Variants in SLC4A4 observed in about 807,000 individuals in gnomAD.
SLC4A4 encodes the protein electrogenic sodium bicarbonate cotransporter 1.
SLC4A4 carries 27 observed loss-of-function variants against 111.5 expected under a neutral mutation model. That is an observed-to-expected ratio of 0.24 (90% CI 0.18 to 0.33). SLC4A4 has a LOEUF of 0.33. Among genes scored for constraint, SLC4A4 ranks in the 10% least tolerant of loss-of-function variants. The pLI is 1.00. For missense variants in SLC4A4, 909 were observed against 1,315.5 expected (o/e 0.69, Z 4.78); for synonymous variants, 443 against 463.4 (o/e 0.96, Z 0.57).
At chr4:71,260,050 T>A (rs886162614) in intron 3 of SLC4A4, among the ~76,000 whole-genome samples, 7 of 152,258 alleles carry the variant, frequency 4.6e-5, no homozygotes, top group Middle Eastern at 3.4e-3. Flanking sequence ...GTGGTATTCT[T>A]TTTTAGCTTT....
chr4:71,215,891 T>TTTGTCA (rs1195970051), intron 1 of SLC4A4, among the ~76,000 whole-genome samples: 1 of 151,920 alleles, frequency 6.6e-6, no homozygotes, highest in Admixed American at 6.5e-5. Flanking sequence ...GTCTACCAAC[T>TTTGTCA]TTGTCATTTC....
intron 2 of SLC4A4, among the ~76,000 whole-genome samples, chr4:71,252,150 A>G (rs138501460): frequency 1.0e-3 from 158 of 152,358 alleles, no homozygotes; most frequent in African/African-American, 3.6e-3. Context: ...CAATCATAGC[A>G]TATTTTCAAC....
chr4:71,425,601 A>T (rs1003750696), intron 7 of SLC4A4, among the ~76,000 whole-genome samples: 3 of 152,118 alleles, frequency 2.0e-5, no homozygotes, highest in Non-Finnish European at 2.9e-5. Context: ...GCTTGGTTTT[A>T]TACATTTTAG....
chr4:71,091,882 T>G (rs929120085), intron 1 of SLC4A4, among the ~76,000 whole-genome samples: 5 of 152,226 alleles, frequency 3.3e-5, no homozygotes, highest in Non-Finnish European at 2.9e-5. Flanking sequence ...ACTGCGTTTG[T>G]TCTTTTTTAC....
At chr4:71,167,200 G>C (rs1375749058) in intron 2 of SLC4A4, among the ~76,000 whole-genome samples, 1 of 152,124 alleles carries the variant, frequency 6.6e-6, no homozygotes, top group Non-Finnish European at 1.5e-5. Flanking sequence ...GAAGACTAGA[G>C]CTGCTAACCA....
At position 71,108,199 on chromosome 4, in the gene SLC4A4, G is replaced by A. The variant is rs367931379; in HGVS notation, c.-2+15407G>A. ...AAAACAAAATGTAACCAAAATTATC[G>A]TAGTAATAGCTTTTATCATTTCCCA... On this transcript the variant is annotated intron_variant, in intron 2 of 26. Transcript: ENST00000649996. Among the ~76,000 whole-genome samples the A allele has an allele frequency of 1.2e-4, 18 of 152,136 alleles. No homozygotes were observed. The East Asian group carries it at 1.4e-3, about 11-fold the overall frequency.
intron 6 of SLC4A4, among the ~76,000 whole-genome samples, chr4:71,393,395 A>C (rs1258394068): frequency 1.3e-5 from 2 of 152,268 alleles, no homozygotes; most frequent in East Asian, 3.9e-4. Flanking sequence ...AATCAAATCA[A>C]GAATGCATCC....
intron 12 of SLC4A4, among the ~76,000 whole-genome samples, chr4:71,460,723 G>A (rs1181338735): frequency 2.0e-5 from 3 of 152,046 alleles, no homozygotes; most frequent in Non-Finnish European, 4.4e-5. Context: ...GTGACCAATC[G>A]TTACTGATAT....
chr4:71,161,040 T>TG (rs1354139514), intron 2 of SLC4A4, among the ~76,000 whole-genome samples: 1 of 152,162 alleles, frequency 6.6e-6, no homozygotes, highest in Non-Finnish European at 1.5e-5. Context: ...GCTCTATGCC[T>TG]GGGGGCTGGG....
chr4:71,150,533 T>C (rs1257847229), intron 2 of SLC4A4, among the ~76,000 whole-genome samples: 4 of 152,182 alleles, frequency 2.6e-5, no homozygotes, highest in Non-Finnish European at 5.9e-5. Context: ...CTAAATGCGT[T>C]ACCTAAATGG....
At chr4:71,111,286 T>A (rs1418689916) in intron 2 of SLC4A4, among the ~76,000 whole-genome samples, 1 of 152,166 alleles carries the variant, frequency 6.6e-6, no homozygotes, top group Non-Finnish European at 1.5e-5. Context: ...CCTGCTTTTC[T>A]TTTTAAAAGC....
At chr4:71,285,633 T>A (rs1723855850) in intron 3 of SLC4A4, among the ~76,000 whole-genome samples, 1 of 152,214 alleles carries the variant, frequency 6.6e-6, no homozygotes, top group Admixed American at 6.5e-5. Flanking sequence ...GAAACCTGAC[T>A]GTACAATAAT....
chr4:71,236,423 CG>C, intron 1 of SLC4A4, 152 bp from the exon 2 acceptor site: 1 of 780,230 alleles, frequency 1.3e-6, no homozygotes, highest in Non-Finnish European at 2.0e-6. Flanking sequence ...AGAGGAGCTG[CG>C]TGAAGCAGTA....
chr4:71,489,698 C>T (rs905442516), intron 15 of SLC4A4, among the ~76,000 whole-genome samples: 2 of 151,712 alleles, frequency 1.3e-5, no homozygotes, highest in African/African-American at 4.8e-5. Flanking sequence ...AGCCGGCTCT[C>T]CTATCCTGAA....
chr4:71,232,899 G>C (rs1365005877), intron 1 of SLC4A4, among the ~76,000 whole-genome samples: 1 of 152,242 alleles, frequency 6.6e-6, no homozygotes, highest in East Asian at 1.9e-4. Flanking sequence ...GAAAGGGTTA[G>C]TTCTGATAGG....
At chr4:71,220,868 C>T (rs764537732) in intron 1 of SLC4A4, among the ~76,000 whole-genome samples, 45 of 152,148 alleles carry the variant, frequency 3.0e-4, no homozygotes, top group Non-Finnish European at 6.0e-4. Flanking sequence ...CTCCCTCCTT[C>T]CACACTCCCC....
At chr4:71,295,177 T>A (rs1335574055) in intron 3 of SLC4A4, among the ~76,000 whole-genome samples, 2 of 152,208 alleles carry the variant, frequency 1.3e-5, no homozygotes, top group African/African-American at 2.4e-5. Flanking sequence ...TTTAGGAACA[T>A]CATGGTTGTA....
At position 71,137,148 on chromosome 4, in the gene SLC4A4, T is replaced by A. The variant is rs72860005; in HGVS notation, c.-2+44356T>A. 7.0e-3 allele frequency among the ~76,000 whole-genome samples: 1,065 copies of A among 152,254 alleles called. 18 individuals carry two copies. The highest frequency in any genetic ancestry group is 0.025 in the African/African-American group (1,023 of 41,544). Reference sequence around the variant, plus strand: ...ATTAGCTCTGCCCCAGACTCCACTGTAATCAAGGAGAAAATAATTAGCTCC... The same window carrying A: ...ATTAGCTCTGCCCCAGACTCCACTGAAATCAAGGAGAAAATAATTAGCTCC... On this transcript the variant is annotated intron_variant, in intron 2 of 26. Coordinates refer to the SLC4A4 transcript ENST00000649996.
At chr4:71,321,033 G>A (rs553820318) in intron 3 of SLC4A4, among the ~76,000 whole-genome samples, 1 of 152,140 alleles carries the variant, frequency 6.6e-6, no homozygotes, top group African/African-American at 2.4e-5. Context: ...TATAGTGAAA[G>A]CGGATTGTGT....
Sources: allele counts gnomAD v4.1 joint callset (sites outside exome capture counted in the v4.1 genomes callset), GRCh38; gene constraint gnomAD v4.1.1; transcripts MANE v1.5; gene names NCBI Gene and HGNC (gene_info 2026-07-23, HGNC 2026-07-21).